DTX3L: variants seen among roughly 807,000 people sequenced by gnomAD.
DTX3L encodes deltex E3 ubiquitin ligase 3L.
DTX3L carries 34 observed loss-of-function variants against 60.9 expected under a neutral mutation model. That is an observed-to-expected ratio of 0.56 (90% CI 0.42 to 0.74). The LOEUF (loss-of-function observed/expected upper bound fraction) is 0.74. Ranked by LOEUF, DTX3L falls within the 30% of genes least tolerant of loss-of-function variation. The probability of loss-of-function intolerance (pLI) is 0.00; values close to 1 mark genes in which losing one functional copy is unlikely to be tolerated. For missense variants in DTX3L, 810 were observed against 874.0 expected (o/e 0.93, Z 0.92); for synonymous variants, 290 against 316.6 (o/e 0.92, Z 0.89).
intron 2 of DTX3L, among the ~76,000 whole-genome samples, chr3:122,567,872 G>A (rs2080602117): frequency 6.6e-6 from 1 of 152,172 alleles, no homozygotes; most frequent in African/African-American, 2.4e-5. Flanking sequence ...CTCATGCCCA[G>A]GCTCCACTGC....
chr3:122,569,792 T>C lies in DTX3L; in HGVS notation c.1703T>C (p.Ile568Thr). The change falls in exon 3 of 5, where the codon ATT (isoleucine) becomes ACT (threonine). Residue 568 changes from isoleucine (I) to threonine (T), a missense_variant. Physicochemically the swap from Ile to Thr is moderately conservative, Grantham distance 89. Transcript: ENST00000296161. ...ATCTGTGTCATCTGTATGGACACCA[T>C]TAGTAACAAAAAAGTGCTACCAAAG... ...KGICVICMDT[I>T]SNKKVLPKCK... The C allele has an allele frequency of 1.2e-6, 2 of 1,614,156 alleles. No individual in the cohort carries two copies. Among genetic ancestry groups the C allele is most frequent in the South Asian group, 1.1e-5 (1 of 91,076 alleles).
rs368206703 is a variant in DTX3L at position 122,568,882 on chromosome 3, A to G, written c.793A>G (p.Ile265Val). The G allele has an allele frequency of 8.1e-6, 13 of 1,613,910 alleles. No individual in the cohort carries two copies. Among genetic ancestry groups the G allele is most frequent in the Non-Finnish European group, 9.3e-6 (11 of 1,180,030 alleles). The change falls in exon 3 of 5, where the codon ATT becomes GTT. Residue 265 changes from isoleucine (I) to valine (V), a missense_variant. Ile to Val is a conservative substitution (Grantham distance 29). Coordinates refer to ENST00000296161, the MANE Select transcript of DTX3L (RefSeq NM_138287.3). Reference protein sequence around the residue: ...NSIEKRFGVNIEIQESSPNMV... With the variant: ...NSIEKRFGVNVEIQESSPNMV... ...AATAGAGAAAAGATTTGGTGTAAAC[A>G]TTGAAATCCAGGAGAGTTCTCCAAA...
In DTX3L at chr3:122,565,982, T is replaced by C; in HGVS notation, c.311T>C (p.Leu104Pro). The change falls in exon 2 of 5, where the codon CTG becomes CCG. Residue 104 changes from leucine (L) to proline (P), a missense_variant. Coordinates refer to ENST00000296161, the MANE Select transcript of DTX3L (RefSeq NM_138287.3). ...AACACGAGACCTCAAATTTCTTCAC[T>C]GACACAATCACAAGCAGAAACACCG... ...KKNTRPQISS[L>P]TQSQAETPSG... 1.2e-6 allele frequency: 2 copies of C among 1,614,194 alleles called. No individual in the cohort carries two copies. Among genetic ancestry groups the C allele is most frequent in the Non-Finnish European group, 8.5e-7 (1 of 1,180,040 alleles).
In DTX3L at chr3:122,564,420, C is replaced by T; in HGVS notation, c.-7C>T. 1 of 1,605,510 alleles carries T rather than the reference C, an allele frequency of 6.2e-7. No homozygotes were observed. Among genetic ancestry groups the T allele is most frequent in the Non-Finnish European group, 8.5e-7 (1 of 1,176,412 alleles). On this transcript the variant is annotated 5_prime_UTR_variant, in exon 1 of 5. Coordinates refer to ENST00000296161, the MANE Select transcript of DTX3L (RefSeq NM_138287.3). ...GGAGCCCCCGCGCCCTCCCGACGCG[C>T]AGAGCCATGGCCTCCCACCTGCGCC...
In DTX3L at chr3:122,569,492, C is replaced by G. The variant is rs1438598982; in HGVS notation, c.1403C>G (p.Thr468Ser). Reference sequence around the variant, plus strand: ...AAGGAGAGAAAGCACTTACATCAGACCAAGTTTGCTGATGACTTTAGAAAA... The same window carrying G: ...AAGGAGAGAAAGCACTTACATCAGAGCAAGTTTGCTGATGACTTTAGAAAA... ...LGKERKHLHQ[T>S]KFADDFRKRH... Residue 468 changes from threonine (T) to serine (S), a missense_variant, in exon 3 of 5, where the codon ACC becomes AGC. Transcript: ENST00000296161. The G allele has an allele frequency of 3.1e-6, 5 of 1,614,054 alleles. No homozygotes were observed. Among genetic ancestry groups the G allele is most frequent in the Non-Finnish European group, 4.2e-6 (5 of 1,180,046 alleles).
rs1347175785 is a variant in DTX3L at position 122,575,132 on chromosome 3, T to C, written c.*3385T>C. 6.6e-6 allele frequency: 1 copy of C among 152,224 alleles called. No individual in the cohort carries two copies. Among genetic ancestry groups the C allele is most frequent in the African/African-American group, 2.4e-5 (1 of 41,452 alleles). The allele number at this position is 152,224 out of a possible 1,614,324, so 9.4% of individuals were successfully genotyped here. ...TGTGGGAGATTGCAGAGCATTTGGG[T>C]TACTGCTTTTACTCTTTGGAAGCTG... On this transcript the variant is annotated 3_prime_UTR_variant, in exon 5 of 5. Coordinates refer to ENST00000296161, the MANE Select transcript of DTX3L (RefSeq NM_138287.3).
rs2080650287 is a variant in DTX3L at position 122,572,080 on chromosome 3, T to C, written c.*333T>C. 2 of 185,404 alleles carry C rather than the reference T, an allele frequency of 1.1e-5. No homozygotes were observed. The highest frequency in any genetic ancestry group is 1.1e-4 in the Admixed American group (2 of 18,470). 11.5% of individuals were successfully genotyped at this position (185,404 alleles called of 1,614,324 possible). ...CCCACCACCATGCCCGGCTAATTTTTGTTTTTGTATTTTTAGTAGAGACAG... is the reference window on the plus strand; with the variant it reads ...CCCACCACCATGCCCGGCTAATTTTCGTTTTTGTATTTTTAGTAGAGACAG... On this transcript the variant is annotated 3_prime_UTR_variant, in exon 5 of 5. Coordinates refer to ENST00000296161, the MANE Select transcript of DTX3L (RefSeq NM_138287.3).
chr3:122,565,563 A>G (rs1424546979), intron 1 of DTX3L, among the ~76,000 whole-genome samples: 1 of 151,136 alleles, frequency 6.6e-6, no homozygotes, highest in East Asian at 1.9e-4. Context: ...GAGGGAGGGA[A>G]AGAAGGAAGA....
At chr3:122,568,215 A>G (rs2080604365) in intron 2 of DTX3L, among the ~76,000 whole-genome samples, 1 of 152,192 alleles carries the variant, frequency 6.6e-6, no homozygotes, top group African/African-American at 2.4e-5. Flanking sequence ...AGGCTGAGGC[A>G]GGAGAATTGC....
chr3:122,571,260 C>G (rs1314426629), intron 4 of DTX3L, among the ~76,000 whole-genome samples: 3 of 152,012 alleles, frequency 2.0e-5, no homozygotes, highest in Non-Finnish European at 2.9e-5. Context: ...ACGATGCCCC[C>G]CTAAAACACA....
rs759165640 is a variant in DTX3L at position 122,569,209 on chromosome 3, A to T, written c.1120A>T (p.Met374Leu). The change falls in exon 3 of 5, where the codon ATG becomes TTG. Residue 374 changes from methionine to leucine, a missense_variant. Coordinates refer to ENST00000296161, the MANE Select transcript of DTX3L (RefSeq NM_138287.3). ...IPVKLFAANYMMNVIEVDSAH... is the reference protein window; with the variant it reads ...IPVKLFAANYLMNVIEVDSAH... ...TGTGAAACTATTTGCTGCCAATTACATGATGAATGTAATTGAGGTTGATAG... is the reference window on the plus strand; with the variant it reads ...TGTGAAACTATTTGCTGCCAATTACTTGATGAATGTAATTGAGGTTGATAG... 5.6e-6 allele frequency: 9 copies of T among 1,614,118 alleles called. No homozygotes were observed. Among genetic ancestry groups the T allele is most frequent in the Middle Eastern group, 1.6e-4 (1 of 6,084 alleles).
Position 122,564,444 on chromosome 3 carries a change from C to T in DTX3L, c.18C>T (p.Arg6=), listed in dbSNP as rs2080509544. 6.2e-7 allele frequency: 1 copy of T among 1,610,820 alleles called. No homozygotes were observed. Residue 6 remains arginine, a synonymous_variant, in exon 1 of 5, where the codon CGC becomes CGT. Transcript: ENST00000296161. MASHL[R]PPSPLLVRVY... ...GCAGAGCCATGGCCTCCCACCTGCG[C>T]CCGCCGTCCCCGCTCCTCGTGCGGG...
Position 122,573,374 on chromosome 3 carries a change from A to T in DTX3L, c.*1627A>T, listed in dbSNP as rs1188665702. 6.6e-6 allele frequency: 1 copy of T among 152,228 alleles called. No individual in the cohort carries two copies. The highest frequency in any genetic ancestry group is 1.5e-5 in the Non-Finnish European group (1 of 68,040). 9.4% of individuals were successfully genotyped at this position (152,228 alleles called of 1,614,324 possible). On this transcript the variant is annotated 3_prime_UTR_variant, in exon 5 of 5. Transcript: ENST00000296161. ...ACTCAGGTTGCTAGTAAGCCAGCAG[A>T]GGGATATTTGCCTCCTAAATCTTTG...
In DTX3L at chr3:122,570,027, A is replaced by G. The variant is rs1237196010; in HGVS notation, c.1935+3A>G. 3 of 1,613,304 alleles carry G rather than the reference A, an allele frequency of 1.9e-6. No homozygotes were observed. The highest frequency in any genetic ancestry group is 2.5e-6 in the Non-Finnish European group (3 of 1,179,956). ...CTATGAAAGCAGGCATACAAACAGT[A>G]AGTATTTCTCAAGTCCATGGGTTTC... On this transcript the variant is annotated splice_donor_region_variant and intron_variant, in intron 3 of 4. Transcript: ENST00000296161.
In DTX3L at chr3:122,571,584, A is replaced by G. The variant is rs1449240911; in HGVS notation, c.2154-94A>G. ...TCAGGATTACTTGTGAATGTTTGCAACACTGGATATTAATTAAATCCTTAA... is the reference window on the plus strand; with the variant it reads ...TCAGGATTACTTGTGAATGTTTGCAGCACTGGATATTAATTAAATCCTTAA... On this transcript the variant is annotated intron_variant, in intron 4 of 4. Transcript: ENST00000296161. The G allele has an allele frequency of 7.3e-6, 7 of 964,270 alleles. No homozygotes were observed. In the East Asian group the frequency reaches 1.2e-4, roughly 17 times the overall value. 59.7% of individuals were successfully genotyped at this position (964,270 alleles called of 1,614,324 possible).
At position 122,572,376 on chromosome 3, in the gene DTX3L, A is replaced by C. The variant is rs73858317; in HGVS notation, c.*629A>C. On this transcript the variant is annotated 3_prime_UTR_variant, in exon 5 of 5. Transcript: ENST00000296161. ...TCGGCTGCCAATTGATCTCTTTTTC[A>C]TTGCCATCTCTGGGGTGGTTCTTTG... 1 of 151,752 alleles carries C rather than the reference A, an allele frequency of 6.6e-6. No individual in the cohort carries two copies. Among genetic ancestry groups the C allele is most frequent in the South Asian group, 2.1e-4 (1 of 4,786 alleles). 9.4% of individuals were successfully genotyped at this position (151,752 alleles called of 1,614,324 possible).
chr3:122,568,516 AAC>A lies in DTX3L; in HGVS notation c.428_429del (p.Asn143MetfsTer2), dbSNP rs1304216013. ...CTTTCTTACTGTAACAGCTGACCTG[AAC>A]TGTAACCTGTTCTCCAAAGAGCAGA... ...KIFLTVTADLNCNLFSKEQRA... is the reference protein window; with the variant it reads ...KIFLTVTADLXCNLFSKEQRA... On this transcript the variant is annotated frameshift_variant, in exon 3 of 5. Transcript: ENST00000296161. LOFTEE classifies it high-confidence loss of function. 1 of 1,610,604 alleles carries A rather than the reference AAC, an allele frequency of 6.2e-7. No individual in the cohort carries two copies. The highest frequency in any genetic ancestry group is 8.5e-7 in the Non-Finnish European group (1 of 1,178,572).
In DTX3L at chr3:122,565,948, A is replaced by G. The variant is rs2080578872; in HGVS notation, c.277A>G (p.Ile93Val). Reference protein sequence around the residue: ...PIFLVPTENSIKKNTRPQISS... With the variant: ...PIFLVPTENSVKKNTRPQISS... ...TTTCCTGGTACCCACTGAAAATTCA[A>G]TAAAGAAGAACACGAGACCTCAAAT... The change falls in exon 2 of 5, where the codon ATA becomes GTA. Residue 93 changes from isoleucine to valine, a missense_variant. Ile to Val is a conservative substitution (Grantham distance 29). Coordinates refer to ENST00000296161, the MANE Select transcript of DTX3L (RefSeq NM_138287.3). The G allele has an allele frequency of 2.5e-6, 4 of 1,614,232 alleles. No homozygotes were observed. Among genetic ancestry groups the G allele is most frequent in the South Asian group, 1.1e-5 (1 of 91,084 alleles).
At position 122,570,667 on chromosome 3, in the gene DTX3L, A is replaced by G; in HGVS notation, c.2148A>G (p.Pro716=). 2 of 1,614,220 alleles carry G rather than the reference A, an allele frequency of 1.2e-6. No individual in the cohort carries two copies. The highest frequency in any genetic ancestry group is 1.7e-6 in the Non-Finnish European group (2 of 1,180,024). The part of the protein sequence containing the change: ...IHHKTSRFGG[P]EMYGYPDPSY... The stretch of plus-strand genomic sequence containing the variant: ...ACAAAACATCCCGGTTTGGAGGACC[A>G]GAAATGTGAGATCCTTTTGGGATGT... Residue 716 remains proline, a synonymous_variant, in exon 4 of 5, where the codon CCA becomes CCG. Transcript: ENST00000296161.
Sources: allele counts gnomAD v4.1 joint callset (sites outside exome capture counted in the v4.1 genomes callset), GRCh38; gene constraint gnomAD v4.1.1; transcripts MANE v1.5; gene names NCBI Gene and HGNC (gene_info 2026-07-23, HGNC 2026-07-21).